SUPT3H: variants seen among roughly 807,000 people sequenced by gnomAD.
The protein encoded by SUPT3H is transcription initiation protein SPT3 homolog.
A neutral mutation model predicts 44.3 loss-of-function variants in SUPT3H; 44 were observed. That is an observed-to-expected ratio of 0.99 (90% CI 0.78 to 1.28). The LOEUF is 1.28. Among genes scored for constraint, SUPT3H ranks in the 50% most tolerant of loss-of-function variants. SUPT3H has a pLI of 0.00. For missense variants in SUPT3H, 380 were observed against 387.1 expected, an observed-to-expected ratio of 0.98 and a Z score of 0.15; for synonymous variants, 124 against 125.6, an observed-to-expected ratio of 0.99 and a Z score of 0.09.
downstream of SUPT3H, among the ~76,000 whole-genome samples, chr6:44,826,479 G>C (rs547205415): frequency 6.6e-6 from 1 of 152,110 alleles, no homozygotes; most frequent in Non-Finnish European, 1.5e-5. Context: ...TGAAATGTTC[G>C]GCCAGAGCAT....
chr6:45,181,178 AC>A (rs1377407712), intron 2 of SUPT3H, among the ~76,000 whole-genome samples: 1 of 118,894 alleles, frequency 8.4e-6, no homozygotes, highest in African/African-American at 3.3e-5. Context: ...ACCATCTCAC[AC>A]CAGTTAGAAT....
intron 2 of SUPT3H, among the ~76,000 whole-genome samples, chr6:45,253,674 T>C (rs1025129612): frequency 6.6e-6 from 1 of 151,106 alleles, no homozygotes; most frequent in Admixed American, 6.6e-5. Flanking sequence ...GTGCCTAGAG[T>C]CCTAGCTACT....
intron 3 of SUPT3H, among the ~76,000 whole-genome samples, chr6:45,039,109 A>C (rs1788123001): frequency 6.6e-6 from 1 of 152,196 alleles, no homozygotes; most frequent in South Asian, 2.1e-4. Context: ...GGAAGGGCAC[A>C]GAAAAAAAAT....
chr6:45,028,548 G>T lies in SUPT3H; in HGVS notation c.187-7916C>A, dbSNP rs73737835. On this transcript the variant is annotated intron_variant, in intron 3 of 10. Transcript: ENST00000371459. ...CTTAAAATTATTTTGTTATTTAGTG[G>T]AGTTTTCAGAGTTTGAAGCATGTGT... 3.9e-3 allele frequency among the ~76,000 whole-genome samples: 593 copies of T among 151,840 alleles called. 7 individuals carry two copies. Among genetic ancestry groups the T allele is most frequent in the African/African-American group, 0.014 (565 of 41,410 alleles).
rs182370063 is a variant in SUPT3H at position 44,953,520 on chromosome 6, C to T, written c.694-103G>A. On this transcript the variant is annotated intron_variant, in intron 8 of 10. Coordinates refer to ENST00000371459, the MANE Select transcript of SUPT3H (RefSeq NM_003599.4). ...TACATTCTGAATGTTACTGATAATC[C>T]TGCTTGCCTAAAAATCTATATTGTA... The T allele has an allele frequency of 2.4e-4, 206 of 870,976 alleles. 3 individuals are homozygous for T. In the East Asian group the frequency reaches 5.2e-3, roughly 22 times the overall value. The allele number at this position is 870,976 out of a possible 1,614,324, so 54.0% of individuals were successfully genotyped here.
At chr6:44,910,786 G>T (rs1181141457) in intron 10 of SUPT3H, among the ~76,000 whole-genome samples, 1 of 151,446 alleles carries the variant, frequency 6.6e-6, no homozygotes, top group Non-Finnish European at 1.5e-5. Flanking sequence ...TCGAGGTCAG[G>T]AGTTCAAGAC....
chr6:45,210,878 G>C (rs1763978860), intron 2 of SUPT3H, among the ~76,000 whole-genome samples: 1 of 152,116 alleles, frequency 6.6e-6, no homozygotes, highest in Non-Finnish European at 1.5e-5. Context: ...TGTGCTTCCA[G>C]TCTTTCTCTT....
chr6:45,224,324 TG>T (rs1766546796), intron 2 of SUPT3H, among the ~76,000 whole-genome samples: 1 of 152,162 alleles, frequency 6.6e-6, no homozygotes, highest in African/African-American at 2.4e-5. Flanking sequence ...CAGTACTTCA[TG>T]GTTTGAGCAG....
At chr6:45,121,437 T>C (rs946239383) in intron 2 of SUPT3H, among the ~76,000 whole-genome samples, 2 of 152,042 alleles carry the variant, frequency 1.3e-5, no homozygotes, top group Non-Finnish European at 2.9e-5. Flanking sequence ...GAATATTAGA[T>C]TACTAAATCT....
At chr6:44,893,564 T>C (rs1763649569) in intron 10 of SUPT3H, among the ~76,000 whole-genome samples, 1 of 152,276 alleles carries the variant, frequency 6.6e-6, no homozygotes, top group Admixed American at 6.5e-5. Flanking sequence ...TCATTTTTTA[T>C]GGCTGCACAG....
chr6:45,302,465 T>C (rs1584801300), intron 2 of SUPT3H, among the ~76,000 whole-genome samples: 2 of 116,266 alleles, frequency 1.7e-5, no homozygotes, highest in African/African-American at 5.6e-5. Flanking sequence ...ATTCCATATA[T>C]ACATATATAT....
intron 6 of SUPT3H, among the ~76,000 whole-genome samples, chr6:44,978,919 CCACA>C (rs1778712684): frequency 6.6e-6 from 1 of 152,132 alleles, no homozygotes; most frequent in Non-Finnish European, 1.5e-5. Flanking sequence ...TAACAGAAAT[CCACA>C]CAATGAAAAT....
chr6:44,926,572 G>T (rs913666264), intron 10 of SUPT3H, among the ~76,000 whole-genome samples: 2 of 151,918 alleles, frequency 1.3e-5, no homozygotes, highest in African/African-American at 2.4e-5. Context: ...TCAATTCAAA[G>T]AAATACAAAT....
At position 45,002,579 on chromosome 6, in the gene SUPT3H, A is replaced by G. The variant is rs1401886468; in HGVS notation, c.504+1074T>C. 6.6e-5 allele frequency among the ~76,000 whole-genome samples: 10 copies of G among 152,240 alleles called. No homozygotes were observed. In the East Asian group the frequency reaches 1.7e-3, roughly 26 times the overall value. ...CATATCCTGTTTGGGCAATGATGAC[A>G]TCAGAAATACATGTTTATCATCTGC... On this transcript the variant is annotated intron_variant, in intron 6 of 10. Transcript: ENST00000371459.
chr6:45,270,960 G>A (rs36095973), intron 2 of SUPT3H, among the ~76,000 whole-genome samples: 2,079 of 152,344 alleles, frequency 0.014, 33 homozygotes, highest in Middle Eastern at 0.037. Context: ...TCAGCAAAGA[G>A]ATTAGTGGCA....
intron 2 of SUPT3H, chr6:45,328,844 A>T: frequency 6.5e-7 from 1 of 1,531,192 alleles, no homozygotes; most frequent in African/African-American, 1.4e-5. Context: ...TAAAGGTATG[A>T]TTCTTTGATA....
At chr6:45,346,016 G>C (rs1175022031) in intron 2 of SUPT3H, among the ~76,000 whole-genome samples, 1 of 151,908 alleles carries the variant, frequency 6.6e-6, no homozygotes, top group African/African-American at 2.4e-5. Flanking sequence ...ATCTCTACAG[G>C]GCTAAATATT....
intron 6 of SUPT3H, among the ~76,000 whole-genome samples, chr6:44,972,529 T>C (rs1396550597): frequency 6.6e-6 from 1 of 152,144 alleles, no homozygotes; most frequent in African/African-American, 2.4e-5. Context: ...TCTACCATTC[T>C]GCGATCTGGA....
Position 44,924,417 on chromosome 6 carries a change from C to G in SUPT3H, c.912+8236G>C, listed in dbSNP as rs191983847. Among the ~76,000 whole-genome samples, 388 of 152,194 alleles carry G rather than the reference C, an allele frequency of 2.5e-3. 2 individuals carry two copies. Among genetic ancestry groups the G allele is most frequent in the African/African-American group, 8.5e-3 (354 of 41,556 alleles). On this transcript the variant is annotated intron_variant, in intron 10 of 10. Transcript: ENST00000371459. ...ACTGAGTGAAATTTTAAGAGTGGAT[C>G]TTCCTTACACAAATACAGACTTAAT...
Sources: allele counts gnomAD v4.1 joint callset (sites outside exome capture counted in the v4.1 genomes callset), GRCh38; gene constraint gnomAD v4.1.1; transcripts MANE v1.5; gene names NCBI Gene and HGNC (gene_info 2026-07-23, HGNC 2026-07-21).